LOC122539214: variants seen among roughly 807,000 people sequenced by gnomAD.
the LOC122539214 span, among the ~76,000 whole-genome samples, chr19:52,676,469 G>A: frequency 0.028 from 4,289 of 151,672 alleles, 190 homozygotes; most frequent in African/African-American, 0.098. Flanking sequence ...AGCCTGCCCC[G>A]GCCCGGCTAG....
At chr19:52,658,102 C>T in the LOC122539214 span, among the ~76,000 whole-genome samples, 1 of 148,894 alleles carries the variant, frequency 6.7e-6, no homozygotes, top group African/African-American at 2.5e-5. Flanking sequence ...TGCCATTGCA[C>T]TCCACCCTCG....
At chr19:52,660,609 T>C in the LOC122539214 span, among the ~76,000 whole-genome samples, 65,928 of 151,642 alleles carry the variant, frequency 0.43, 14,555 homozygotes, top group East Asian at 0.56. Context: ...TAAAGGGAGA[T>C]AGAATTTAAG....
At chr19:52,658,623 A>G in the LOC122539214 span, among the ~76,000 whole-genome samples, 1 of 152,186 alleles carries the variant, frequency 6.6e-6, no homozygotes, top group Non-Finnish European at 1.5e-5. Flanking sequence ...AATAGTCACA[A>G]ACCTTTTGGA....
chr19:52,677,480 T>C, the LOC122539214 span, among the ~76,000 whole-genome samples: 133 of 151,550 alleles, frequency 8.8e-4, no homozygotes, highest in African/African-American at 3.1e-3. Flanking sequence ...AGTGAGACTC[T>C]GTCTCAAAAA....
chr19:52,663,552 G>C, the LOC122539214 span, among the ~76,000 whole-genome samples: 1 of 152,302 alleles, frequency 6.6e-6, no homozygotes, highest in South Asian at 2.1e-4. Flanking sequence ...AAAGAAAATG[G>C]AGTAATAGGC....
chr19:52,676,765 C>T, the LOC122539214 span, among the ~76,000 whole-genome samples: 2 of 139,524 alleles, frequency 1.4e-5, no homozygotes, highest in Non-Finnish European at 3.1e-5. Context: ...GGAGACTTTT[C>T]ATTTTGTTCT....
chr19:52,656,578 A>G, the LOC122539214 span, among the ~76,000 whole-genome samples: 1 of 152,118 alleles, frequency 6.6e-6, no homozygotes. Context: ...TACTAAAACC[A>G]TGGGCTTGGC....
the LOC122539214 span, among the ~76,000 whole-genome samples, chr19:52,671,932 AT>A: frequency 6.6e-6 from 1 of 152,188 alleles, no homozygotes; most frequent in Non-Finnish European, 1.5e-5. Flanking sequence ...CTGAAAAAAT[AT>A]AACTAAGTTA....
chr19:52,675,866 T>C, the LOC122539214 span, among the ~76,000 whole-genome samples: 1 of 152,178 alleles, frequency 6.6e-6, no homozygotes, highest in Non-Finnish European at 1.5e-5. Context: ...AGGTTAACTA[T>C]ACAAATTACA....
the LOC122539214 span, among the ~76,000 whole-genome samples, chr19:52,687,631 A>AATG: frequency 9.3e-5 from 1 of 10,726 alleles, no homozygotes; most frequent in African/African-American, 3.9e-4. Flanking sequence ...TATATATATA[A>AATG]TGTATATATA....
chr19:52,688,937 A>G, the LOC122539214 span, among the ~76,000 whole-genome samples: 2 of 126,852 alleles, frequency 1.6e-5, no homozygotes, highest in South Asian at 2.9e-4. Context: ...CACCTTCCAG[A>G]GCAAGGTTGA....
the LOC122539214 span, among the ~76,000 whole-genome samples, chr19:52,678,354 G>A: frequency 0.22 from 32,547 of 149,820 alleles, 3,739 homozygotes; most frequent in Non-Finnish European, 0.24. Flanking sequence ...GGAGGCTGAG[G>A]CAGGAGAATC....
the LOC122539214 span, among the ~76,000 whole-genome samples, chr19:52,687,503 T>C: frequency 3.1e-5 from 2 of 64,170 alleles, 1 homozygote; most frequent in Non-Finnish European, 5.9e-5. Flanking sequence ...TATATAGATA[T>C]ATAAATTATA....
chr19:52,683,692 TAGAG>T, the LOC122539214 span, among the ~76,000 whole-genome samples: 3 of 152,134 alleles, frequency 2.0e-5, no homozygotes, highest in East Asian at 5.8e-4. Context: ...TTTCTGACCT[TAGAG>T]AGGCCTTCTC....
the LOC122539214 span, among the ~76,000 whole-genome samples, chr19:52,667,819 T>C: frequency 1.3e-5 from 2 of 152,156 alleles, no homozygotes; most frequent in South Asian, 4.1e-4. Context: ...ATTGGATAAA[T>C]ATGTCTACAA....
At chr19:52,664,880 A>G in the LOC122539214 span, among the ~76,000 whole-genome samples, 2 of 152,060 alleles carry the variant, frequency 1.3e-5, no homozygotes, top group Non-Finnish European at 2.9e-5. Flanking sequence ...GGCGAAACCC[A>G]CCAGTGAGGC....
At chr19:52,673,477 T>C in the LOC122539214 span, among the ~76,000 whole-genome samples, 1 of 151,060 alleles carries the variant, frequency 6.6e-6, no homozygotes, top group African/African-American at 2.4e-5. Context: ...CACTCCAGGG[T>C]ACACAAGAAG....
the LOC122539214 span, among the ~76,000 whole-genome samples, chr19:52,684,867 A>G: frequency 6.6e-6 from 1 of 152,206 alleles, no homozygotes; most frequent in Non-Finnish European, 1.5e-5. Context: ...GGACACTGGC[A>G]GGGGCCCTGG....
the LOC122539214 span, among the ~76,000 whole-genome samples, chr19:52,689,886 C>T: frequency 1.3e-5 from 2 of 152,228 alleles, no homozygotes; most frequent in East Asian, 3.9e-4. Context: ...AGGACAGGCC[C>T]CGGGCACCTC....
Sources: gnomAD v4.1 joint callset for allele counts (sites outside exome capture counted in the v4.1 genomes callset) on GRCh38, gnomAD v4.1.1 for gene constraint, MANE v1.5 for transcripts.